The following DLG2 variants were observed in gnomAD, a reference collection of about 807,000 sequenced individuals.
The protein encoded by DLG2 is disks large homolog 2.
Under a neutral mutation model 132.5 loss-of-function variants are expected in DLG2, and 45 were observed. The ratio of observed to expected loss-of-function variants is 0.34; its 90% CI spans 0.27 to 0.44. The LOEUF is 0.44. Ranked by LOEUF, DLG2 falls within the 20% of genes least tolerant of loss-of-function variation. The pLI, the probability that DLG2 is intolerant of heterozygous loss-of-function variation, is 1.00. For synonymous variants in DLG2, 424 were observed against 419.6 expected (o/e 1.01, Z -0.13); for missense variants, 1,045 against 1,196.9 (o/e 0.87, Z 1.87).
At chr11:84,398,663 G>C (rs538352452) in intron 7 of DLG2, among the ~76,000 whole-genome samples, 2 of 152,170 alleles carry the variant, frequency 1.3e-5, no homozygotes, top group Non-Finnish European at 2.9e-5. Flanking sequence ...TAGATGGACA[G>C]CAAAGGTAAA....
chr11:84,740,853 G>A (rs186407180), intron 6 of DLG2, among the ~76,000 whole-genome samples: 1 of 152,056 alleles, frequency 6.6e-6, no homozygotes, highest in Non-Finnish European at 1.5e-5. Context: ...CTGAGTAGAT[G>A]ACACATCCCC....
chr11:85,083,343 T>C (rs1446774567), intron 6 of DLG2, among the ~76,000 whole-genome samples: 2 of 152,120 alleles, frequency 1.3e-5, no homozygotes, highest in Non-Finnish European at 2.9e-5. Flanking sequence ...AATAGGAGAT[T>C]TGTCAAAGGT....
At chr11:85,476,660 A>C (rs1259677826) in intron 3 of DLG2, among the ~76,000 whole-genome samples, 2 of 152,018 alleles carry the variant, frequency 1.3e-5, no homozygotes, top group African/African-American at 4.8e-5. Context: ...GAAACACAGG[A>C]ACACACACTA....
intron 6 of DLG2, among the ~76,000 whole-genome samples, chr11:84,708,022 C>T (rs929776264): frequency 6.6e-6 from 1 of 151,746 alleles, no homozygotes; most frequent in Admixed American, 6.6e-5. Context: ...TGGGCTTGGT[C>T]ACTTTGGGCA....
intron 6 of DLG2, among the ~76,000 whole-genome samples, chr11:84,960,090 A>G (rs1345898183): frequency 6.6e-6 from 1 of 152,232 alleles, no homozygotes; most frequent in African/African-American, 2.4e-5. Context: ...TACATACTTA[A>G]CAGATGAAGA....
At chr11:85,457,462 C>G (rs1410255136) in intron 3 of DLG2, among the ~76,000 whole-genome samples, 1 of 152,080 alleles carries the variant, frequency 6.6e-6, no homozygotes, top group Non-Finnish European at 1.5e-5. Context: ...TGATATATGC[C>G]AATTTGATCC....
At chr11:85,514,291 G>A (rs547771882) in intron 3 of DLG2, among the ~76,000 whole-genome samples, 1 of 152,078 alleles carries the variant, frequency 6.6e-6, no homozygotes, top group East Asian at 1.9e-4. Context: ...ATCTTCCAAA[G>A]TTTTTACAGC....
intron 10 of DLG2, among the ~76,000 whole-genome samples, chr11:84,075,734 A>T (rs1469740057): frequency 6.6e-6 from 1 of 152,182 alleles, no homozygotes; most frequent in African/African-American, 2.4e-5. Context: ...ATAATCAGCT[A>T]TTACTGTTTA....
chr11:83,920,286 A>G (rs1244267107), intron 15 of DLG2, among the ~76,000 whole-genome samples: 1 of 152,206 alleles, frequency 6.6e-6, no homozygotes, highest in Non-Finnish European at 1.5e-5. Flanking sequence ...AGATCCTTTA[A>G]ACCTCATATG....
chr11:84,297,921 G>T (rs181633738), intron 7 of DLG2, among the ~76,000 whole-genome samples: 2 of 152,002 alleles, frequency 1.3e-5, no homozygotes, highest in East Asian at 1.9e-4. Context: ...ATTGTCATAA[G>T]GTTGCCCCCT....
intron 19 of DLG2, among the ~76,000 whole-genome samples, chr11:83,625,396 T>C (rs191716600): frequency 6.6e-6 from 1 of 152,284 alleles, no homozygotes; most frequent in East Asian, 1.9e-4. Flanking sequence ...TAACCAGCAG[T>C]TAAATGGGGC....
intron 18 of DLG2, among the ~76,000 whole-genome samples, chr11:83,705,581 C>A (rs1025352779): frequency 6.6e-6 from 1 of 152,018 alleles, no homozygotes; most frequent in African/African-American, 2.4e-5. Flanking sequence ...AATAAATAAA[C>A]TTCTAACCCT....
chr11:85,078,012 T>C (rs1291783317), intron 6 of DLG2, among the ~76,000 whole-genome samples: 1 of 151,994 alleles, frequency 6.6e-6, no homozygotes, highest in African/African-American at 2.4e-5. Flanking sequence ...TATTTCCATT[T>C]CAACTTTAAT....
intron 7 of DLG2, among the ~76,000 whole-genome samples, chr11:84,483,624 G>T (rs1449189918): frequency 1.3e-5 from 2 of 152,048 alleles, no homozygotes; most frequent in African/African-American, 4.8e-5. Context: ...TTGAAATAAG[G>T]TATCGTTACG....
intron 7 of DLG2, among the ~76,000 whole-genome samples, chr11:84,468,944 C>T (rs746628185): frequency 4.7e-4 from 71 of 151,502 alleles, no homozygotes; most frequent in Non-Finnish European, 9.3e-4. Flanking sequence ...TAGTAAATTC[C>T]TAGTTCACCT....
intron 6 of DLG2, among the ~76,000 whole-genome samples, chr11:85,029,632 A>AAACCAAGGAG (rs1250446975): frequency 1.3e-5 from 2 of 152,224 alleles, no homozygotes; most frequent in Non-Finnish European, 2.9e-5. Context: ...AACCAAGTTT[A>AAACCAAGGAG]GCCTAAAGCT....
intron 6 of DLG2, among the ~76,000 whole-genome samples, chr11:84,822,267 T>C (rs1472813313): frequency 6.6e-6 from 1 of 151,834 alleles, no homozygotes; most frequent in Non-Finnish European, 1.5e-5. Flanking sequence ...CCCAGTTGCA[T>C]TGATACAGCA....
At chr11:84,710,691 C>A (rs953405269) in intron 6 of DLG2, among the ~76,000 whole-genome samples, 8 of 151,668 alleles carry the variant, frequency 5.3e-5, no homozygotes, top group African/African-American at 1.9e-4. Flanking sequence ...TTAGTGTGCT[C>A]ATTCATCAAA....
At chr11:85,021,289 C>T (rs767626847) in intron 6 of DLG2, 14 of 1,268,854 alleles carry the variant, frequency 1.1e-5, no homozygotes, top group Non-Finnish European at 1.6e-5. Flanking sequence ...ACTGTACATC[C>T]TATCATAATA....
Sources: gnomAD v4.1 joint callset for allele counts (sites outside exome capture counted in the v4.1 genomes callset) on GRCh38, gnomAD v4.1.1 for gene constraint, MANE v1.5 for transcripts, NCBI Gene and HGNC (gene_info 2026-07-23, HGNC 2026-07-21) for gene names.